Variants in KCNB2 observed in about 807,000 individuals in gnomAD.
The protein encoded by KCNB2 is delayed rectifier potassium channel protein.
In KCNB2, 15 loss-of-function variants were observed where a neutral mutation model predicts 61.5. The observed-to-expected ratio is 0.24, with a 90% CI of 0.16 to 0.38. The LOEUF is 0.38. Among genes scored for constraint, KCNB2 ranks in the 10% least tolerant of loss-of-function variants. KCNB2 has a pLI of 1.00. For synonymous variants in KCNB2, 457 were observed against 446.0 expected, an observed-to-expected ratio of 1.02 and a Z score of -0.31; for missense variants, 828 against 1,125.2, an observed-to-expected ratio of 0.74 and a Z score of 3.78.
chr8:72,786,543 C>T (rs1808848524), intron 2 of KCNB2, among the ~76,000 whole-genome samples: 1 of 152,138 alleles, frequency 6.6e-6, no homozygotes, highest in Non-Finnish European at 1.5e-5. Flanking sequence ...GGGATATTTT[C>T]TCCTCTTCCT....
chr8:72,605,063 A>G (rs977151412), intron 2 of KCNB2, among the ~76,000 whole-genome samples: 1 of 152,220 alleles, frequency 6.6e-6, no homozygotes, highest in Non-Finnish European at 1.5e-5. Context: ...CAACCTAAGC[A>G]TGGTTCACCA....
At chr8:72,647,520 G>GA (rs1313522189) in intron 2 of KCNB2, among the ~76,000 whole-genome samples, 2 of 151,992 alleles carry the variant, frequency 1.3e-5, no homozygotes, top group Admixed American at 1.3e-4. Context: ...ATATTTCCAT[G>GA]AAAAAATGAG....
intron 2 of KCNB2, among the ~76,000 whole-genome samples, chr8:72,851,320 G>T (rs1810103484): frequency 1.2e-5 from 1 of 86,456 alleles, no homozygotes; most frequent in African/African-American, 3.8e-5. Flanking sequence ...GAGACGAGTT[G>T]TAGCATCTGA....
At chr8:72,929,156 T>G (rs1006959704) in intron 2 of KCNB2, among the ~76,000 whole-genome samples, 2 of 152,190 alleles carry the variant, frequency 1.3e-5, no homozygotes, top group Non-Finnish European at 2.9e-5. Flanking sequence ...ACCGGGCTTG[T>G]GCATGCAGCA....
At chr8:72,909,746 G>T (rs1163120038) in intron 2 of KCNB2, among the ~76,000 whole-genome samples, 1 of 152,092 alleles carries the variant, frequency 6.6e-6, no homozygotes, top group South Asian at 2.1e-4. Flanking sequence ...AGGTCGATTG[G>T]TTGGGCTTTG....
intron 2 of KCNB2, among the ~76,000 whole-genome samples, chr8:72,917,183 G>T (rs187889023): frequency 6.6e-6 from 1 of 152,048 alleles, no homozygotes; most frequent in East Asian, 1.9e-4. Context: ...AGGCTTTTTC[G>T]ATGAGTACTA....
intron 2 of KCNB2, among the ~76,000 whole-genome samples, chr8:72,784,409 T>C (rs1808814036): frequency 6.6e-6 from 1 of 152,184 alleles, no homozygotes; most frequent in African/African-American, 2.4e-5. Flanking sequence ...TCATTATTTG[T>C]TTGGTTGCTG....
chr8:72,936,748 A>T lies in KCNB2; in HGVS notation c.1393A>T (p.Ile465Leu). 6.2e-7 allele frequency: 1 copy of T among 1,614,190 alleles called. No homozygotes were observed. Among genetic ancestry groups the T allele is most frequent in the Middle Eastern group, 1.6e-4 (1 of 6,062 alleles). Reference protein sequence around the residue: ...KDAFARSMELIDVAVEKAGES... With the variant: ...KDAFARSMELLDVAVEKAGES... ...TGCCTTCGCTCGAAGTATGGAACTG[A>T]TAGATGTGGCTGTTGAGAAGGCCGG... is the stretch of plus-strand genomic sequence containing the variant. The change falls in exon 3 of 3, where the codon ATA becomes TTA. Residue 465 changes from isoleucine to leucine, a missense_variant. Physicochemically the swap from Ile to Leu is conservative, Grantham distance 5 (BLOSUM62 2). Around this residue, in one of 4 missense-constraint regions of KCNB2, gnomAD observed 559 missense variants for 588.4 expected, o/e 0.95. Coordinates refer to ENST00000523207, the MANE Select transcript of KCNB2 (RefSeq NM_004770.3). This position sits in a 1 kb window ranked among gnomAD's most constrained non-coding sequence, Gnocchi z 5.6.
chr8:72,566,776 C>G lies in KCNB2; in HGVS notation c.-93-866C>G, dbSNP rs558852409. ...AAGTAAGTGATGCTGAGAGTTCGAA[C>G]CAGCATTGTGGTAATGGGAACCTTG... On this transcript the variant is annotated intron_variant, in intron 1 of 2. Coordinates refer to ENST00000523207, the MANE Select transcript of KCNB2 (RefSeq NM_004770.3). 1.3e-3 allele frequency among the ~76,000 whole-genome samples: 205 copies of G among 151,912 alleles called. 1 individual carries two copies. In the Middle Eastern group the frequency reaches 0.014, roughly 10 times the overall value.
At chr8:72,911,830 G>C (rs1806301112) in intron 2 of KCNB2, among the ~76,000 whole-genome samples, 1 of 152,192 alleles carries the variant, frequency 6.6e-6, no homozygotes, top group Non-Finnish European at 1.5e-5. Flanking sequence ...TCAGTTTCCT[G>C]TTTTGTATAA....
chr8:72,627,064 A>C (rs1288233403), intron 2 of KCNB2, among the ~76,000 whole-genome samples: 1 of 152,208 alleles, frequency 6.6e-6, no homozygotes, highest in Non-Finnish European at 1.5e-5. Flanking sequence ...CTTCCCCATC[A>C]GTTTGATAAT....
At chr8:72,638,281 G>A (rs934679213) in intron 2 of KCNB2, among the ~76,000 whole-genome samples, 20 of 151,924 alleles carry the variant, frequency 1.3e-4, no homozygotes, top group African/African-American at 4.4e-4. Context: ...ACATTACAGT[G>A]CAACTAGAGT....
At chr8:72,741,450 A>G (rs952564206) in intron 2 of KCNB2, among the ~76,000 whole-genome samples, 2 of 152,150 alleles carry the variant, frequency 1.3e-5, no homozygotes, top group African/African-American at 4.8e-5. Context: ...ATTTGAAGGA[A>G]CAGGTAGTGT....
chr8:72,764,844 C>T (rs929942071), intron 2 of KCNB2, among the ~76,000 whole-genome samples: 2 of 152,112 alleles, frequency 1.3e-5, no homozygotes, highest in Non-Finnish European at 2.9e-5. Flanking sequence ...TCAACGGAAG[C>T]ATAGACCAGA....
At chr8:72,799,001 C>T (rs1487944945) in intron 2 of KCNB2, among the ~76,000 whole-genome samples, 1 of 152,266 alleles carries the variant, frequency 6.6e-6, no homozygotes, top group South Asian at 2.1e-4. Context: ...TCTCTGGGGG[C>T]ATTATCACTG....
intron 2 of KCNB2, among the ~76,000 whole-genome samples, chr8:72,606,455 T>C (rs1293882037): frequency 1.3e-5 from 2 of 152,246 alleles, no homozygotes; most frequent in African/African-American, 2.4e-5. Flanking sequence ...TTATTATCTC[T>C]GCATGGCAGG....
At chr8:72,588,449 GACCTCAGGTGATCCGCCA>G (rs1354330050) in intron 2 of KCNB2, among the ~76,000 whole-genome samples, 3 of 151,582 alleles carry the variant, frequency 2.0e-5, no homozygotes, top group African/African-American at 7.3e-5. Context: ...GTGATCCGCC[GACCTCAGGTGATCCGCCA>G]ACCCCAGGTG....
At chr8:72,615,352 T>C (rs929390056) in intron 2 of KCNB2, among the ~76,000 whole-genome samples, 3 of 152,160 alleles carry the variant, frequency 2.0e-5, no homozygotes, top group Non-Finnish European at 2.9e-5. Flanking sequence ...GGCTCTGAAA[T>C]CACACACTGA....
intron 2 of KCNB2, among the ~76,000 whole-genome samples, chr8:72,761,237 C>T (rs1448360235): frequency 2.0e-5 from 3 of 152,240 alleles, no homozygotes; most frequent in African/African-American, 7.2e-5. Context: ...TCCTGGGGGC[C>T]CTGCATTGGG....
Sources: gnomAD v4.1 joint callset for allele counts (sites outside exome capture counted in the v4.1 genomes callset) on GRCh38, gnomAD v4.1.1 for gene constraint, gnomAD v4.1.1 regional missense constraint, Gnocchi (gnomAD v3.1) non-coding constraint, MANE v1.5 for transcripts, NCBI Gene and HGNC (gene_info 2026-07-23, HGNC 2026-07-21) for gene names.